Variants in CCDC198 observed in about 807,000 individuals in gnomAD.
CCDC198 encodes factor associated with metabolism and energy.
A neutral mutation model predicts 35.6 loss-of-function variants in CCDC198; 18 were observed. That is an observed-to-expected ratio of 0.51 (90% CI 0.35 to 0.75). The LOEUF is 0.75. Among genes scored for constraint, CCDC198 ranks in the 30% least tolerant of loss-of-function variants. The pLI is 0.01. For missense variants in CCDC198, 365 were observed against 343.7 expected (o/e 1.06, Z -0.49); for synonymous variants, 119 against 113.4 (o/e 1.05, Z -0.31).
chr14:57,480,456 T>C, intron 5 of CCDC198, 139 bp downstream of exon 5: 2 of 1,212,908 alleles, frequency 1.6e-6, no homozygotes, highest in Non-Finnish European at 2.3e-6. Flanking sequence ...ACATGCCCAC[T>C]ATATTCTGGG....
rs1249327212 is a variant in CCDC198, at chr14:57,478,465, T to C, written c.655+2130A>G. 3 of 986,040 alleles carry C rather than the reference T, an allele frequency of 3.0e-6. 1 individual carries two copies. The highest frequency in any genetic ancestry group is 3.6e-6 in the Non-Finnish European group (3 of 830,488). The allele number at this position is 986,040 out of a possible 1,614,324, so 61.1% of individuals were successfully genotyped here. ...CTTATAGTAAGCACTCAACAAACCT[T>C]AGCTTGAACAAAACGAAGCAGCTTT... is the stretch of plus-strand genomic sequence containing the variant. On this transcript the variant is annotated intron_variant, in intron 5 of 5. Coordinates refer to ENST00000216445, the MANE Select transcript of CCDC198 (RefSeq NM_018168.4).
intron 2 of CCDC198, 75 bp from the exon 3 acceptor site, chr14:57,483,226 A>G: frequency 1.9e-6 from 3 of 1,609,324 alleles, no homozygotes; most frequent in South Asian, 1.1e-5. Flanking sequence ...CAGACATTAA[A>G]TTATCTTAAC....
intron 3 of CCDC198, among the ~76,000 whole-genome samples, chr14:57,482,337 T>C (rs546150046): frequency 5.3e-5 from 8 of 152,188 alleles, no homozygotes; most frequent in Admixed American, 1.3e-4. Context: ...TGTTGCTGTG[T>C]GGATAGTGAC....
chr14:57,471,423 GCTT>G lies in CCDC198; in HGVS notation c.820_822del (p.Lys274del), dbSNP rs760366118. ...GTCCTGGTCCTCACCAGTGCTCGTG[GCTT>G]CTTCTCATCTTTCCCCTGCTCATCT... is the stretch of plus-strand genomic sequence containing the variant. On this transcript the variant is annotated inframe_deletion, in exon 6 of 6. Coordinates refer to ENST00000216445, the MANE Select transcript of CCDC198 (RefSeq NM_018168.4). 134 of 1,613,838 alleles carry G rather than the reference GCTT, an allele frequency of 8.3e-5. No homozygotes were observed. The highest frequency in any genetic ancestry group is 1.1e-4 in the Non-Finnish European group (126 of 1,179,970).
chr14:57,480,745 C>T lies in CCDC198; in HGVS notation c.505G>A (p.Glu169Lys), dbSNP rs2067154935. The stretch of plus-strand genomic sequence containing the variant: ...TCTCCATGAAGACTTTTCTTTAACT[C>T]CATTTGGGCCTGAAAATCATCAACT... The part of the protein sequence containing the change: ...MIRKRQEAQM[E>K]LKKSLHGEAR... The change falls in exon 5 of 6, where the codon GAG (glutamate) becomes AAG (lysine). Residue 169 changes from glutamate to lysine, a missense_variant. Coordinates refer to ENST00000216445, the MANE Select transcript of CCDC198 (RefSeq NM_018168.4). The T allele has an allele frequency of 6.2e-7, 1 of 1,613,652 alleles. No homozygotes were observed. The highest frequency in any genetic ancestry group is 1.3e-5 in the African/African-American group (1 of 74,836).
chr14:57,471,403 G>A lies in CCDC198; in HGVS notation c.843C>T (p.Thr281=), dbSNP rs766785879. The change falls in exon 6 of 6, where the codon ACC becomes ACT. Residue 281 remains threonine, a synonymous_variant. Coordinates refer to ENST00000216445, the MANE Select transcript of CCDC198 (RefSeq NM_018168.4). Reference sequence around the variant, plus strand: ...CGAAAAGTGGGATTCTCTCTGTCCTGGTCCTCACCAGTGCTCGTGGCTTCT... The same window carrying A: ...CGAAAAGTGGGATTCTCTCTGTCCTAGTCCTCACCAGTGCTCGTGGCTTCT... The part of the protein sequence containing the change: ...DEKKPRALVR[T]RTERIPLFDE... The A allele has an allele frequency of 1.2e-6, 2 of 1,613,890 alleles. No individual in the cohort carries two copies. Among genetic ancestry groups the A allele is most frequent in the Non-Finnish European group, 1.7e-6 (2 of 1,179,950 alleles).
chr14:57,481,997 T>A (rs2067203866), intron 3 of CCDC198, among the ~76,000 whole-genome samples: 1 of 152,236 alleles, frequency 6.6e-6, no homozygotes, highest in Non-Finnish European at 1.5e-5. Flanking sequence ...AGAATTGTGT[T>A]CTGGTTTGAG....
chr14:57,489,064 A>G (rs2067469205), intron 2 of CCDC198, among the ~76,000 whole-genome samples: 1 of 152,212 alleles, frequency 6.6e-6, no homozygotes, highest in South Asian at 2.1e-4. Context: ...TTATAAAGAT[A>G]CATCGATGCA....
rs1408153422 is a variant in CCDC198, at chr14:57,473,929, C to G, written c.656-2339G>C. On this transcript the variant is annotated intron_variant, in intron 5 of 5. Coordinates refer to ENST00000216445, the MANE Select transcript of CCDC198 (RefSeq NM_018168.4). ...TCCTTCCCACTGCAGGACTTTTGCA[C>G]ATGCTGTGGTTGATTACCATTTTCA... Among the ~76,000 whole-genome samples, 5 of 152,168 alleles carry G rather than the reference C, an allele frequency of 3.3e-5. No individual in the cohort carries two copies. In the East Asian group the frequency reaches 7.7e-4, roughly 23 times the overall value.
At chr14:57,488,849 G>A (rs1012455140) in intron 2 of CCDC198, among the ~76,000 whole-genome samples, 5 of 152,010 alleles carry the variant, frequency 3.3e-5, no homozygotes, top group African/African-American at 1.2e-4. Flanking sequence ...AATCAGAATG[G>A]CTATATTAAA....
At chr14:57,480,525 C>T (rs2067145267) in intron 5 of CCDC198, 70 bp downstream of exon 5, 1 of 1,553,436 alleles carries the variant, frequency 6.4e-7, no homozygotes, top group Non-Finnish European at 8.8e-7. Flanking sequence ...ATGTCCCTCC[C>T]TTGGTAGTTT....
At chr14:57,476,758 C>T (rs1247080710) in intron 5 of CCDC198, among the ~76,000 whole-genome samples, 1 of 152,102 alleles carries the variant, frequency 6.6e-6, no homozygotes, top group Non-Finnish European at 1.5e-5. Flanking sequence ...TACAGAGGAA[C>T]CTTAATGACC....
chr14:57,488,880 C>T (rs2067461784), intron 2 of CCDC198, among the ~76,000 whole-genome samples: 1 of 152,104 alleles, frequency 6.6e-6, no homozygotes, highest in African/African-American at 2.4e-5. Context: ...ACAACAGATG[C>T]TGGAGAGGTT....
chr14:57,493,841 G>A lies in CCDC198; in HGVS notation c.-126C>T. On this transcript the variant is annotated 5_prime_UTR_variant, in exon 1 of 6. Transcript: ENST00000216445. ...TTTACAAAGCAGTCATTTCCTTCAT[G>A]GCATCCTTCTAGCTCTGTTTCACTG... 1.4e-6 allele frequency: 1 copy of A among 728,690 alleles called. No individual in the cohort carries two copies. Among genetic ancestry groups the A allele is most frequent in the South Asian group, 1.9e-5 (1 of 53,114 alleles). The allele number at this position is 728,690 out of a possible 1,614,324, so 45.1% of individuals were successfully genotyped here.
Position 57,493,782 on chromosome 14 carries a change from T to C in CCDC198, c.-67A>G. On this transcript the variant is annotated 5_prime_UTR_variant, in exon 1 of 6. Coordinates refer to ENST00000216445, the MANE Select transcript of CCDC198 (RefSeq NM_018168.4). ...GTTTTGGGGTCTTTAATATAGCTTA[T>C]TTTAATCAAAGCATTTCAGAAGTTT... The C allele has an allele frequency of 8.3e-7, 1 of 1,200,790 alleles. No individual in the cohort carries two copies. The highest frequency in any genetic ancestry group is 2.5e-5 in the East Asian group (1 of 40,318). 74.4% of individuals were successfully genotyped at this position (1,200,790 alleles called of 1,614,324 possible).
intron 2 of CCDC198, among the ~76,000 whole-genome samples, chr14:57,489,687 T>TG (rs1172671148): frequency 6.6e-6 from 1 of 152,102 alleles, no homozygotes; most frequent in Non-Finnish European, 1.5e-5. Flanking sequence ...GTTTGACTAT[T>TG]GAGAAAATCA....
At chr14:57,491,904 G>A (rs1034499920) in intron 1 of CCDC198, among the ~76,000 whole-genome samples, 2 of 152,032 alleles carry the variant, frequency 1.3e-5, no homozygotes, top group Non-Finnish European at 2.9e-5. Context: ...CTCTCCTTAA[G>A]ACATGTGAAT....
Position 57,470,118 on chromosome 14 carries a change from A to G in CCDC198, c.*1237T>C, listed in dbSNP as rs1482445118. On this transcript the variant is annotated 3_prime_UTR_variant, in exon 6 of 6. Coordinates refer to ENST00000216445, the MANE Select transcript of CCDC198 (RefSeq NM_018168.4). ...TGTTTTAAGGAGCTCTAAAATCTAC[A>G]TCATAATCTAAGAAGTCTTAATTTT... 6.6e-6 allele frequency: 1 copy of G among 152,192 alleles called. No homozygotes were observed. Among genetic ancestry groups the G allele is most frequent in the Non-Finnish European group, 1.5e-5 (1 of 68,036 alleles). The allele number at this position is 152,192 out of a possible 1,614,324, so 9.4% of individuals were successfully genotyped here.
chr14:57,482,988 C>T (rs1221292442), intron 3 of CCDC198, 77 bp downstream of exon 3: 6 of 1,595,034 alleles, frequency 3.8e-6, no homozygotes, highest in Admixed American at 3.4e-5. Flanking sequence ...CATGAAAGGA[C>T]CAGTGTGCTC....
Sources: allele counts gnomAD v4.1 joint callset (sites outside exome capture counted in the v4.1 genomes callset), GRCh38; gene constraint gnomAD v4.1.1; transcripts MANE v1.5; gene names NCBI Gene and HGNC (gene_info 2026-07-23, HGNC 2026-07-21).